TASOR: variants seen among roughly 807,000 people sequenced by gnomAD.
The protein encoded by TASOR is transcription activation suppressor, also known as protein TASOR.
Under a neutral mutation model 178.6 loss-of-function variants are expected in TASOR, and 53 were observed. The ratio of observed to expected loss-of-function variants is 0.30; its 90% CI spans 0.24 to 0.37. The LOEUF (loss-of-function observed/expected upper bound fraction) is 0.37, where lower values mean the gene tolerates loss of function less well. Among genes scored for constraint, TASOR ranks in the 10% least tolerant of loss-of-function variants. The pLI, the probability that TASOR is intolerant of heterozygous loss-of-function variation, is 1.00. For synonymous variants in TASOR, 713 were observed against 696.2 expected (o/e 1.02, Z -0.38); for missense variants, 1,815 against 1,971.4 (o/e 0.92, Z 1.50).
At chr3:56,641,058 TC>T (rs1056365705) in intron 15 of TASOR, among the ~76,000 whole-genome samples, 7 of 152,142 alleles carry the variant, frequency 4.6e-5, no homozygotes, top group African/African-American at 1.4e-4. Flanking sequence ...AGGAATTAAC[TC>T]CCAATAAGCC....
chr3:56,651,421 G>A (rs1180849517), intron 11 of TASOR, among the ~76,000 whole-genome samples: 2 of 152,100 alleles, frequency 1.3e-5, no homozygotes, highest in African/African-American at 2.4e-5. Context: ...TGGGCCAGGC[G>A]CAGTGGCTCA....
Position 56,651,548 on chromosome 3 carries a change from A to G in TASOR, c.1369-2491T>C, listed in dbSNP as rs542188726. ...CCCCAACTCTACAAAAAAAATTTTA[A>G]AAGTTGTCATGTGTGGCGTCATATG... On this transcript the variant is annotated intron_variant, in intron 11 of 23. Transcript: ENST00000683822. 6.6e-5 allele frequency among the ~76,000 whole-genome samples: 10 copies of G among 152,256 alleles called. No homozygotes were observed. In the South Asian group the frequency reaches 2.1e-3, roughly 32 times the overall value.
At position 56,641,467 on chromosome 3, in the gene TASOR, T is replaced by C. The variant is rs1303003857; in HGVS notation, c.2501A>G (p.Glu834Gly). 2.5e-6 allele frequency: 4 copies of C among 1,613,424 alleles called. No homozygotes were observed. The highest frequency in any genetic ancestry group is 3.4e-6 in the Non-Finnish European group (4 of 1,179,434). The change falls in exon 15 of 24, where the codon GAA (glutamate) becomes GGA (glycine). Residue 834 changes from glutamate to glycine, a missense_variant. Coordinates refer to ENST00000683822, the MANE Select transcript of TASOR (RefSeq NM_001365635.2). Reference sequence around the variant, plus strand: ...CTGAGTACCCTTAAACTGTGCATTTTCAACTTTTGCACAAGTAGGCTGCTC... The same window carrying C: ...CTGAGTACCCTTAAACTGTGCATTTCCAACTTTTGCACAAGTAGGCTGCTC... ...DYEQPTCAKV[E>G]NAQFKGTQSL...
At chr3:56,670,748 C>T (rs2030598333) in intron 3 of TASOR, among the ~76,000 whole-genome samples, 1 of 151,120 alleles carries the variant, frequency 6.6e-6, no homozygotes, top group Non-Finnish European at 1.5e-5. Context: ...CCAGCCTGGC[C>T]AACATGGGGA....
chr3:56,633,485 G>A lies in TASOR; in HGVS notation c.3306C>T (p.Val1102=), dbSNP rs2076957453. The A allele has an allele frequency of 1.9e-6, 3 of 1,614,018 alleles. No individual in the cohort carries two copies. The highest frequency in any genetic ancestry group is 1.7e-5 in the Admixed American group (1 of 60,002). The change falls in exon 18 of 24, where the codon GTC becomes GTT. Residue 1102 remains valine, a synonymous_variant. Coordinates refer to ENST00000683822, the MANE Select transcript of TASOR (RefSeq NM_001365635.2). The stretch of plus-strand genomic sequence containing the variant: ...TCTTAGCACCAGAATCGTTAGGACT[G>A]ACTGGTGGCAAATTCCCACCCTTGG... ...ASAKGGNLPP[V]SPNDSGAKIA... is the part of the protein sequence containing the mutation.
At chr3:56,649,603 T>C (rs552817940) in intron 11 of TASOR, among the ~76,000 whole-genome samples, 2 of 152,298 alleles carry the variant, frequency 1.3e-5, no homozygotes, top group South Asian at 4.1e-4. Flanking sequence ...AAGTTTATAA[T>C]TAGGTAGAAA....
At chr3:56,629,392 C>A (rs1443916681) in intron 18 of TASOR, among the ~76,000 whole-genome samples, 1 of 152,134 alleles carries the variant, frequency 6.6e-6, no homozygotes, top group African/African-American at 2.4e-5. Context: ...TCTAAGTAGG[C>A]CCTTGGTTAT....
At chr3:56,675,651 G>GA (rs1225373917) in intron 1 of TASOR, among the ~76,000 whole-genome samples, 2 of 152,088 alleles carry the variant, frequency 1.3e-5, no homozygotes, top group African/African-American at 4.8e-5. Context: ...TTTCACTGTA[G>GA]AGAGAACTAC....
intron 1 of TASOR, among the ~76,000 whole-genome samples, chr3:56,678,369 G>A (rs930106392): frequency 1.3e-5 from 2 of 151,610 alleles, no homozygotes; most frequent in South Asian, 4.2e-4. Flanking sequence ...TTTTAATAGA[G>A]TCAGGGTTTC....
intron 1 of TASOR, among the ~76,000 whole-genome samples, chr3:56,677,217 C>G (rs2031381253): frequency 6.6e-6 from 1 of 152,062 alleles, no homozygotes; most frequent in Non-Finnish European, 1.5e-5. Flanking sequence ...ATATTTAAGT[C>G]AAAAATCTCA....
intron 8 of TASOR, among the ~76,000 whole-genome samples, chr3:56,663,187 G>GA (rs1024808003): frequency 1.9e-4 from 29 of 149,734 alleles, no homozygotes; most frequent in Admixed American, 9.3e-4. Context: ...TCTCAGAAAA[G>GA]AAAAAAAAAC....
intron 1 of TASOR, among the ~76,000 whole-genome samples, chr3:56,679,275 T>C (rs912059157): frequency 1.3e-5 from 2 of 152,136 alleles, no homozygotes; most frequent in African/African-American, 4.8e-5. Context: ...ACTTTAGGAG[T>C]GGGTACTTCA....
intron 5 of TASOR, among the ~76,000 whole-genome samples, chr3:56,669,062 AT>A (rs1448930790): frequency 6.6e-6 from 1 of 151,240 alleles, no homozygotes; most frequent in Non-Finnish European, 1.5e-5. Flanking sequence ...AAAAAAAAAA[AT>A]CATTTGAACT....
rs1274014893 is a variant in TASOR at position 56,620,448 on chromosome 3, G to A, written c.*2589C>T. 4 of 152,120 alleles carry A rather than the reference G, an allele frequency of 2.6e-5. No individual in the cohort carries two copies. The highest frequency in any genetic ancestry group is 9.7e-5 in the African/African-American group (4 of 41,364). The allele number at this position is 152,120 out of a possible 1,614,324, so 9.4% of individuals were successfully genotyped here. A position where few individuals can be genotyped will look rare whatever the true frequency, so the allele number is the denominator to read the frequency against. On this transcript the variant is annotated 3_prime_UTR_variant, in exon 24 of 24. Transcript: ENST00000683822. ...CCTTACACCTTTGCTCCATCCCTTG[G>A]GCTTTAAAAAGAATGGCTGTAGTTA...
chr3:56,677,259 A>G (rs2031384551), intron 1 of TASOR, among the ~76,000 whole-genome samples: 1 of 152,244 alleles, frequency 6.6e-6, no homozygotes, highest in East Asian at 1.9e-4. Context: ...TAGTAATAAT[A>G]AACAACCCTG....
At chr3:56,640,205 T>C in intron 15 of TASOR, 75 bp from the exon 16 acceptor site, 1 of 1,366,762 alleles carries the variant, frequency 7.3e-7, no homozygotes, top group East Asian at 2.3e-5. Context: ...GTTTTTTCAC[T>C]GAAAATTCAC....
In TASOR at chr3:56,640,087, A is replaced by C. The variant is rs1338018150; in HGVS notation, c.2663T>G (p.Leu888Trp). Residue 888 changes from leucine (L) to tryptophan (W), a missense_variant, in exon 16 of 24, where the codon TTG (leucine) becomes TGG (tryptophan). Leu to Trp is a moderately conservative substitution (Grantham distance 61). Transcript: ENST00000683822. ...ATGTTCAATGGGAACACTGGGACAC[A>C]AACTGCAATCTTCAAAATTATTCAC... ...ISVNNFEDCS[L>W]CPSVPIEHGF... 1 of 1,613,722 alleles carries C rather than the reference A, an allele frequency of 6.2e-7. No homozygotes were observed. Among genetic ancestry groups the C allele is most frequent in the East Asian group, 2.2e-5 (1 of 44,862 alleles).
chr3:56,630,895 C>A (rs1039753179), intron 18 of TASOR, among the ~76,000 whole-genome samples: 6 of 124,970 alleles, frequency 4.8e-5, no homozygotes, highest in African/African-American at 9.5e-5. Flanking sequence ...TGTTACAAAT[C>A]CTTTTAAAAA....
intron 11 of TASOR, 23 bp from the exon 12 acceptor site, chr3:56,649,080 A>G: frequency 1.3e-6 from 2 of 1,551,116 alleles, no homozygotes; most frequent in Non-Finnish European, 1.8e-6. Context: ...GGGAAGGAAG[A>G]AGTTGTATCT....
Sources: allele counts gnomAD v4.1 joint callset (sites outside exome capture counted in the v4.1 genomes callset), GRCh38; gene constraint gnomAD v4.1.1; transcripts MANE v1.5; gene names NCBI Gene and HGNC (gene_info 2026-07-23, HGNC 2026-07-21).